Variants in ROBO2 observed in about 807,000 individuals in gnomAD.
ROBO2 encodes the protein roundabout homolog 2.
In ROBO2, 53 loss-of-function variants were observed where a neutral mutation model predicts 160.8. The observed-to-expected ratio is 0.33, with a 90% CI of 0.26 to 0.41. The LOEUF (loss-of-function observed/expected upper bound fraction) is 0.41. Among genes scored for constraint, ROBO2 ranks in the 10% least tolerant of loss-of-function variants. The pLI, the probability that ROBO2 is intolerant of heterozygous loss-of-function variation, is 1.00. For missense variants in ROBO2, 1,577 were observed against 1,722.4 expected (o/e 0.92, Z 1.49); for synonymous variants, 664 against 611.7 (o/e 1.09, Z -1.26).
At chr3:77,461,675 G>A (rs1428104538) in intron 2 of ROBO2, among the ~76,000 whole-genome samples, 2 of 150,572 alleles carry the variant, frequency 1.3e-5, no homozygotes, top group South Asian at 2.1e-4. Context: ...TCTCTATGAA[G>A]TATCATTATA....
chr3:76,215,861 G>A (rs1328107459), intron 2 of ROBO2, among the ~76,000 whole-genome samples: 1 of 152,166 alleles, frequency 6.6e-6, no homozygotes. Flanking sequence ...ATAACTGGCA[G>A]ATTCACCAAA....
intron 2 of ROBO2, among the ~76,000 whole-genome samples, chr3:77,406,650 A>G (rs889680723): frequency 6.6e-5 from 10 of 152,140 alleles, no homozygotes; most frequent in Admixed American, 6.6e-5. Context: ...ATATTAAAAT[A>G]TATTTACCTA....
intron 1 of ROBO2, among the ~76,000 whole-genome samples, chr3:77,044,124 A>G (rs1313902088): frequency 6.6e-6 from 1 of 152,140 alleles, no homozygotes; most frequent in East Asian, 1.9e-4. Flanking sequence ...CATGTGGACC[A>G]TAAAAAAAAA....
At chr3:76,745,516 T>G (rs2093870962) in intron 2 of ROBO2, among the ~76,000 whole-genome samples, 1 of 152,134 alleles carries the variant, frequency 6.6e-6, no homozygotes, top group Non-Finnish European at 1.5e-5. Context: ...GTCTGTATGC[T>G]TTTCCTTCTG....
At chr3:77,338,316 G>T (rs2066701621) in intron 2 of ROBO2, among the ~76,000 whole-genome samples, 2 of 152,040 alleles carry the variant, frequency 1.3e-5, no homozygotes, top group East Asian at 1.9e-4. Flanking sequence ...GCTCACATCT[G>T]CTCCCCCCTT....
intron 2 of ROBO2, among the ~76,000 whole-genome samples, chr3:76,048,068 C>T (rs1264489859): frequency 6.6e-6 from 1 of 152,042 alleles, no homozygotes; most frequent in Admixed American, 6.6e-5. Flanking sequence ...GTATTAGAGG[C>T]TTTTCATATA....
At chr3:77,008,237 A>G (rs2061686294) in intron 2 of ROBO2, among the ~76,000 whole-genome samples, 1 of 152,118 alleles carries the variant, frequency 6.6e-6, no homozygotes. Flanking sequence ...AATTAAATTA[A>G]ATGTGGTCTG....
At chr3:76,108,684 T>C (rs1415538349) in intron 2 of ROBO2, among the ~76,000 whole-genome samples, 2 of 151,606 alleles carry the variant, frequency 1.3e-5, no homozygotes, top group Admixed American at 6.6e-5. Context: ...CAAAAATAAG[T>C]ATAATTACAA....
At chr3:76,210,214 T>C (rs993448161) in intron 2 of ROBO2, among the ~76,000 whole-genome samples, 13 of 152,114 alleles carry the variant, frequency 8.5e-5, no homozygotes, top group Non-Finnish European at 1.2e-4. Flanking sequence ...TGTAAGTTTG[T>C]TAAATAAATT....
chr3:77,350,572 A>G (rs547961086), intron 2 of ROBO2, among the ~76,000 whole-genome samples: 1 of 152,234 alleles, frequency 6.6e-6, no homozygotes, highest in South Asian at 2.1e-4. Context: ...CTCCTAAATT[A>G]GAGACGAAGG....
rs200203657 is a variant in ROBO2, at chr3:77,417,213, A to T, written c.389-60201A>T. 6.2e-5 allele frequency among the ~76,000 whole-genome samples: 9 copies of T among 144,754 alleles called. No homozygotes were observed. The East Asian group carries it at 1.8e-3, about 30-fold the overall frequency. The allele number at this position is 144,754 out of a possible 152,430, so 95.0% of individuals were successfully genotyped here. A position where few individuals can be genotyped will look rare whatever the true frequency, so the allele number is the denominator to read the frequency against. On this transcript the variant is annotated intron_variant, in intron 2 of 25. Transcript: ENST00000461745. ...TCAAGGGTTTCCATTATTTTAATGC[A>T]GGGTAGCAGGGTAACCACTTTTTTT...
At chr3:76,510,729 A>T (rs2081045107) in intron 2 of ROBO2, among the ~76,000 whole-genome samples, 1 of 152,198 alleles carries the variant, frequency 6.6e-6, no homozygotes, top group African/African-American at 2.4e-5. Flanking sequence ...TCTCAAAAAA[A>T]TAAAAAATAA....
chr3:76,624,266 G>T (rs971311508), intron 2 of ROBO2, among the ~76,000 whole-genome samples: 1 of 152,110 alleles, frequency 6.6e-6, no homozygotes, highest in African/African-American at 2.4e-5. Flanking sequence ...TAGTCTTAGG[G>T]TCAAGAACGG....
At chr3:77,221,152 C>T (rs556773356) in intron 2 of ROBO2, among the ~76,000 whole-genome samples, 82 of 152,230 alleles carry the variant, frequency 5.4e-4, no homozygotes, top group African/African-American at 1.9e-3. Flanking sequence ...TTCCATGGCT[C>T]TAGTGGTTCA....
At chr3:76,149,324 C>T (rs2072051911) in intron 2 of ROBO2, among the ~76,000 whole-genome samples, 1 of 152,122 alleles carries the variant, frequency 6.6e-6, no homozygotes, top group South Asian at 2.1e-4. Flanking sequence ...TAGAACACAA[C>T]ACAAGACCGG....
intron 2 of ROBO2, among the ~76,000 whole-genome samples, chr3:76,437,661 T>G (rs542758866): frequency 6.6e-6 from 1 of 152,202 alleles, no homozygotes; most frequent in Non-Finnish European, 1.5e-5. Flanking sequence ...GAAATTCCCC[T>G]TTGTAAACAA....
Position 76,358,522 on chromosome 3 carries a change from T to G in ROBO2, c.109+420920T>G, listed in dbSNP as rs115905104. Among the ~76,000 whole-genome samples, 838 of 152,172 alleles carry G rather than the reference T, an allele frequency of 5.5e-3. 13 individuals carry two copies. The highest frequency in any genetic ancestry group is 3.7e-3 in the Non-Finnish European group (254 of 67,978). On this transcript the variant is annotated intron_variant, in intron 2 of 26. Coordinates refer to the ROBO2 transcript ENST00000487694. ...TAGAAAGTAGTCAATAAATACATAT[T>G]TCTATGCCTAGTTGTATTACAAATA...
At chr3:76,133,818 C>A (rs1052261625) in intron 2 of ROBO2, among the ~76,000 whole-genome samples, 3 of 151,970 alleles carry the variant, frequency 2.0e-5, no homozygotes, top group African/African-American at 7.3e-5. Context: ...GCTGATTAGG[C>A]GGTGCCCACC....
At chr3:77,398,025 G>A (rs1281850889) in intron 2 of ROBO2, among the ~76,000 whole-genome samples, 1 of 152,076 alleles carries the variant, frequency 6.6e-6, no homozygotes, top group Non-Finnish European at 1.5e-5. Context: ...TTCTGAACAT[G>A]AGGAATAATA....
Sources: allele counts gnomAD v4.1 joint callset (sites outside exome capture counted in the v4.1 genomes callset), GRCh38; gene constraint gnomAD v4.1.1; transcripts MANE v1.5; gene names NCBI Gene and HGNC (gene_info 2026-07-23, HGNC 2026-07-21).